EPS15: variants seen among roughly 807,000 people sequenced by gnomAD.
EPS15 encodes epidermal growth factor receptor pathway substrate 15.
A neutral mutation model predicts 113.8 loss-of-function variants in EPS15; 72 were observed. The observed-to-expected ratio is 0.63, with a 90% CI of 0.52 to 0.77. EPS15 has a LOEUF of 0.77. Among genes scored for constraint, EPS15 ranks in the 30% least tolerant of loss-of-function variants. The pLI, the probability that EPS15 is intolerant of heterozygous loss-of-function variation, is 0.00. For missense variants in EPS15, 1,048 were observed against 1,045.8 expected (o/e 1.00, Z -0.03); for synonymous variants, 344 against 363.4 (o/e 0.95, Z 0.61).
chr1:51,421,349 C>G (rs955467167), intron 13 of EPS15, among the ~76,000 whole-genome samples: 7 of 151,954 alleles, frequency 4.6e-5, no homozygotes, highest in African/African-American at 1.7e-4. Flanking sequence ...GAGAAACAGT[C>G]CTTTAACATA....
chr1:51,486,655 A>G (rs2148530241), intron 1 of EPS15, among the ~76,000 whole-genome samples: 1 of 152,128 alleles, frequency 6.6e-6, no homozygotes, highest in East Asian at 1.9e-4. Context: ...AAATACTGAG[A>G]CTGATATATT....
intron 2 of EPS15, among the ~76,000 whole-genome samples, chr1:51,479,878 A>G (rs1374928198): frequency 6.6e-6 from 1 of 152,206 alleles, no homozygotes; most frequent in Non-Finnish European, 1.5e-5. Flanking sequence ...TCCTAGCCTC[A>G]CGGGTAGTAA....
At chr1:51,505,748 GTC>G (rs1324210380) in intron 1 of EPS15, among the ~76,000 whole-genome samples, 6 of 151,840 alleles carry the variant, frequency 4.0e-5, no homozygotes, top group African/African-American at 1.2e-4. Context: ...TACAAAAAAA[GTC>G]TCTTAATAAA....
chr1:51,444,778 T>C (rs1177265749), intron 11 of EPS15, 111 bp downstream of exon 11: 1 of 1,094,710 alleles, frequency 9.1e-7, no homozygotes, highest in Non-Finnish European at 1.3e-6. Flanking sequence ...ACTGTTCTGC[T>C]CTTAGCCAGA....
rs1020796303 is a variant in EPS15 at position 51,461,289 on chromosome 1, G to A, written c.502-139C>T. 76 of 634,296 alleles carry A rather than the reference G, an allele frequency of 1.2e-4. No homozygotes were observed. In the African/African-American group the frequency reaches 1.2e-3, roughly 10 times the overall value. 39.3% of individuals were successfully genotyped at this position (634,296 alleles called of 1,614,324 possible). Reference sequence around the variant, plus strand: ...CCCAGCACTTTGAGAGGCCAAGGCAGGAGGATCACTTCAGCCCAGGAGTTT... The same window carrying A: ...CCCAGCACTTTGAGAGGCCAAGGCAAGAGGATCACTTCAGCCCAGGAGTTT... On this transcript the variant is annotated intron_variant, in intron 7 of 24. Transcript: ENST00000371733.
intron 19 of EPS15, among the ~76,000 whole-genome samples, chr1:51,399,396 A>G (rs938287765): frequency 2.0e-5 from 3 of 151,980 alleles, no homozygotes; most frequent in Non-Finnish European, 4.4e-5. Flanking sequence ...ACTAAAAAAC[A>G]CAAAAATTAG....
chr1:51,456,228 A>G (rs1653985325), intron 8 of EPS15, among the ~76,000 whole-genome samples: 1 of 152,220 alleles, frequency 6.6e-6, no homozygotes, highest in African/African-American at 2.4e-5. Flanking sequence ...AAGTTCAAGC[A>G]AGTTTTGGTT....
At chr1:51,369,656 G>A (rs1212538850) in intron 21 of EPS15, among the ~76,000 whole-genome samples, 1 of 151,906 alleles carries the variant, frequency 6.6e-6, no homozygotes, top group African/African-American at 2.4e-5. Flanking sequence ...TTACATATTT[G>A]AGATCATGCT....
intron 2 of EPS15, among the ~76,000 whole-genome samples, chr1:51,476,509 T>C (rs903199675): frequency 2.6e-5 from 4 of 152,204 alleles, no homozygotes; most frequent in Non-Finnish European, 5.9e-5. Context: ...TAGTCTCTGA[T>C]GGTATTTTGT....
intron 12 of EPS15, among the ~76,000 whole-genome samples, chr1:51,439,921 T>C (rs999850972): frequency 6.6e-6 from 1 of 152,128 alleles, no homozygotes; most frequent in Non-Finnish European, 1.5e-5. Context: ...TTCCATCTAT[T>C]AAATGTATTA....
chr1:51,393,749 G>T (rs1041029134), intron 21 of EPS15, among the ~76,000 whole-genome samples: 1 of 152,202 alleles, frequency 6.6e-6, no homozygotes, highest in African/African-American at 2.4e-5. Flanking sequence ...AAAAGAAGCA[G>T]AGTTACTTTG....
chr1:51,359,443 TAAAAAA>T (rs148380501), intron 24 of EPS15, among the ~76,000 whole-genome samples: 2 of 104,058 alleles, frequency 1.9e-5, no homozygotes, highest in African/African-American at 3.7e-5. Context: ...ACTCTGTCTT[TAAAAAA>T]AAAAAAAAAA....
At chr1:51,508,240 A>AAAGAAAAGAAAAG (rs1644539008) in intron 1 of EPS15, among the ~76,000 whole-genome samples, 7 of 77,750 alleles carry the variant, frequency 9.0e-5, no homozygotes, top group Admixed American at 7.9e-4. Context: ...AAAGAAAAGA[A>AAAGAAAAGAAAAG]AGAGAGAAAG....
At chr1:51,455,042 A>C (rs1332421189) in intron 8 of EPS15, among the ~76,000 whole-genome samples, 1 of 152,196 alleles carries the variant, frequency 6.6e-6, no homozygotes, top group Non-Finnish European at 1.5e-5. Context: ...GTCAAACTCT[A>C]AATCTACAAA....
At chr1:51,469,839 T>C (rs1391006785) in intron 4 of EPS15, among the ~76,000 whole-genome samples, 1 of 151,892 alleles carries the variant, frequency 6.6e-6, no homozygotes, top group Non-Finnish European at 1.5e-5. Context: ...ATGTCACAGA[T>C]AATCTCCTAG....
At chr1:51,384,125 A>C (rs1488821353) in intron 21 of EPS15, among the ~76,000 whole-genome samples, 1 of 152,130 alleles carries the variant, frequency 6.6e-6, no homozygotes, top group Non-Finnish European at 1.5e-5. Flanking sequence ...TAGAAGACTT[A>C]ATATTTTTAA....
intron 24 of EPS15, among the ~76,000 whole-genome samples, chr1:51,358,007 AATC>A (rs1646282046): frequency 6.6e-6 from 1 of 151,938 alleles, no homozygotes; most frequent in South Asian, 2.1e-4. Flanking sequence ...CCAAGAACCT[AATC>A]ATATTTTATA....
At chr1:51,406,136 C>A (rs749922224) in intron 15 of EPS15, 28 bp from the exon 16 acceptor site, 2 of 1,591,178 alleles carry the variant, frequency 1.3e-6, no homozygotes, top group African/African-American at 2.7e-5. Flanking sequence ...AAATATAGAA[C>A]AGAATTTATT....
chr1:51,394,546 T>C (rs1647722692), intron 20 of EPS15, 99 bp from the exon 21 acceptor site: 1 of 617,894 alleles, frequency 1.6e-6, no homozygotes, highest in Non-Finnish European at 2.7e-6. Flanking sequence ...AATTCTTAAT[T>C]AATTAAGGAA....
Sources: allele counts gnomAD v4.1 joint callset (sites outside exome capture counted in the v4.1 genomes callset), GRCh38; gene constraint gnomAD v4.1.1; transcripts MANE v1.5; gene names NCBI Gene and HGNC (gene_info 2026-07-23, HGNC 2026-07-21).